Variants in CDH9 observed in about 807,000 individuals in gnomAD.
The protein encoded by CDH9 is cadherin 9.
A neutral mutation model predicts 70.9 loss-of-function variants in CDH9; 28 were observed. The ratio of observed to expected loss-of-function variants is 0.40; its 90% confidence interval spans 0.29 to 0.54. The LOEUF is 0.54. Ranked by LOEUF, CDH9 falls within the 20% of genes least tolerant of loss-of-function variation. The pLI is 0.59. For missense variants in CDH9, 874 were observed against 984.4 expected, an observed-to-expected ratio of 0.89 and a Z score of 1.50; for synonymous variants, 409 against 343.1, an observed-to-expected ratio of 1.19 and a Z score of -2.12.
intron 2 of CDH9, among the ~76,000 whole-genome samples, chr5:26,984,502 C>A (rs1477108673): frequency 6.6e-6 from 1 of 152,032 alleles, no homozygotes; most frequent in East Asian, 1.9e-4. Context: ...AAATTCTATT[C>A]AATTCTCATT....
chr5:27,025,066 TATA>T (rs1743199202), intron 1 of CDH9, among the ~76,000 whole-genome samples: 1 of 152,134 alleles, frequency 6.6e-6, no homozygotes, highest in Non-Finnish European at 1.5e-5. Context: ...TTTTTTGTGA[TATA>T]ATCTTAAAAA....
chr5:26,929,948 T>A (rs1741412353), intron 2 of CDH9, among the ~76,000 whole-genome samples: 2 of 151,940 alleles, frequency 1.3e-5, no homozygotes, highest in Admixed American at 1.3e-4. Flanking sequence ...ACAAGGATTG[T>A]CAAAAATAAT....
Position 27,001,844 on chromosome 5 carries a change from A to ACACTCTCTCTCTCTCT in CDH9, c.-49-13463_-49-13462insAGAGAGAGAGAGAGTG, listed in dbSNP as rs1312157550. ...GTGCTTAACATACACACACACACAC[A>ACACTCTCTCTCTCTCT]CTCTCTCTCTCTCTCTCTCTCTCTC... On this transcript the variant is annotated intron_variant, in intron 1 of 11. Transcript: ENST00000231021. Among the ~76,000 whole-genome samples, 241 of 142,030 alleles carry ACACTCTCTCTCTCTCT rather than the reference A, an allele frequency of 1.7e-3. 5 individuals are homozygous for ACACTCTCTCTCTCTCT. Among genetic ancestry groups the ACACTCTCTCTCTCTCT allele is most frequent in the African/African-American group, 6.3e-3 (230 of 36,446 alleles). 93.2% of individuals were successfully genotyped at this position (142,030 alleles called of 152,430 possible). A position where few individuals can be genotyped will look rare whatever the true frequency, so the allele number is the denominator to read the frequency against.
chr5:26,917,861 A>T (rs1741175186), intron 2 of CDH9, among the ~76,000 whole-genome samples: 1 of 152,144 alleles, frequency 6.6e-6, no homozygotes, highest in Admixed American at 6.6e-5. Flanking sequence ...TAGATTAAAC[A>T]TCTTCAAGTC....
intron 2 of CDH9, among the ~76,000 whole-genome samples, chr5:26,955,342 T>TG (rs1741927980): frequency 6.6e-6 from 1 of 152,156 alleles, no homozygotes; most frequent in South Asian, 2.1e-4. Flanking sequence ...GCAACATAAG[T>TG]GTGTTATCTT....
chr5:26,944,648 C>T (rs1741717053), intron 2 of CDH9, among the ~76,000 whole-genome samples: 1 of 151,812 alleles, frequency 6.6e-6, no homozygotes, highest in Non-Finnish European at 1.5e-5. Flanking sequence ...GACACTGTCT[C>T]ACAAAATAAA....
intron 1 of CDH9, among the ~76,000 whole-genome samples, chr5:27,028,525 A>C (rs1218605696): frequency 6.6e-6 from 1 of 152,050 alleles, no homozygotes; most frequent in Non-Finnish European, 1.5e-5. Context: ...TATTTGAATA[A>C]CAGAAAATCA....
intron 2 of CDH9, among the ~76,000 whole-genome samples, chr5:26,940,986 T>G (rs1243487287): frequency 1.3e-5 from 2 of 152,210 alleles, no homozygotes; most frequent in Non-Finnish European, 2.9e-5. Context: ...TCATAGAACA[T>G]AAATTGTGCT....
chr5:26,939,247 A>T (rs1261049532), intron 2 of CDH9, among the ~76,000 whole-genome samples: 3 of 151,768 alleles, frequency 2.0e-5, no homozygotes, highest in African/African-American at 7.2e-5. Context: ...TGCAAAAAAT[A>T]TGAACAGGTA....
At chr5:26,994,535 T>TTTTGTTTG (rs146801465) in intron 1 of CDH9, among the ~76,000 whole-genome samples, 5 of 151,656 alleles carry the variant, frequency 3.3e-5, no homozygotes, top group Non-Finnish European at 7.4e-5. Context: ...TCGTTTTGTT[T>TTTTGTTTG]TTTGTTTGTT....
intron 7 of CDH9, among the ~76,000 whole-genome samples, chr5:26,898,634 C>T (rs1434975382): frequency 6.6e-6 from 1 of 152,130 alleles, no homozygotes. Flanking sequence ...AAAACTGAAT[C>T]TAGATCCTTT....
In CDH9 at chr5:26,909,659, G is replaced by A. The variant is rs114297262; in HGVS notation, c.524-2821C>T. 6.3e-3 allele frequency among the ~76,000 whole-genome samples: 954 copies of A among 151,024 alleles called. 10 individuals carry two copies. Among genetic ancestry groups the A allele is most frequent in the African/African-American group, 0.021 (845 of 41,136 alleles). Reference sequence around the variant, plus strand: ...CACTAACTCGTCATCTAGTATTCGCGAGACCATTATTTTTGCAATTCACAT... The same window carrying A: ...CACTAACTCGTCATCTAGTATTCGCAAGACCATTATTTTTGCAATTCACAT... On this transcript the variant is annotated intron_variant, in intron 3 of 11. Coordinates refer to ENST00000231021, the MANE Select transcript of CDH9 (RefSeq NM_016279.4).
At chr5:26,914,895 C>T (rs1035665101) in intron 3 of CDH9, among the ~76,000 whole-genome samples, 8 of 151,944 alleles carry the variant, frequency 5.3e-5, no homozygotes, top group Non-Finnish European at 1.0e-4. Context: ...AATCAGTTCT[C>T]ATTGTCTCGT....
chr5:26,931,141 A>G (rs1034687658), intron 2 of CDH9, among the ~76,000 whole-genome samples: 3 of 152,188 alleles, frequency 2.0e-5, no homozygotes, highest in East Asian at 3.9e-4. Context: ...GGACAGCAGA[A>G]AAGAAGCAAC....
intron 1 of CDH9, among the ~76,000 whole-genome samples, chr5:27,019,229 G>A (rs1407087171): frequency 6.6e-6 from 1 of 151,968 alleles, no homozygotes; most frequent in Non-Finnish European, 1.5e-5. Context: ...AAACCTAGAT[G>A]TACATCTCCT....
intron 1 of CDH9, among the ~76,000 whole-genome samples, chr5:27,022,313 T>C (rs1743151544): frequency 6.6e-6 from 1 of 152,082 alleles, no homozygotes; most frequent in Non-Finnish European, 1.5e-5. Flanking sequence ...AATTATTTAT[T>C]CTTTGAATGA....
intron 7 of CDH9, among the ~76,000 whole-genome samples, chr5:26,893,069 A>G (rs1349736541): frequency 1.3e-5 from 2 of 152,108 alleles, no homozygotes; most frequent in East Asian, 3.9e-4. Flanking sequence ...GTGAACATAC[A>G]TTAACCTAAA....
intron 1 of CDH9, among the ~76,000 whole-genome samples, chr5:26,992,964 C>T (rs1053778830): frequency 2.0e-4 from 31 of 152,026 alleles, no homozygotes; most frequent in African/African-American, 6.0e-4. Flanking sequence ...GGTGTAGTGG[C>T]GCATGCCTGT....
chr5:26,989,512 C>CTCTCTCTG (rs1199282805), intron 1 of CDH9, among the ~76,000 whole-genome samples: 3 of 148,348 alleles, frequency 2.0e-5, no homozygotes, highest in African/African-American at 7.4e-5. Flanking sequence ...TTCTCTGTCT[C>CTCTCTCTG]TCTCTCTCTC....
Sources: gnomAD v4.1 joint callset for allele counts (sites outside exome capture counted in the v4.1 genomes callset) on GRCh38, gnomAD v4.1.1 for gene constraint, MANE v1.5 for transcripts, NCBI Gene and HGNC (gene_info 2026-07-23, HGNC 2026-07-21) for gene names.